Variants in DCDC1 observed in about 807,000 individuals in gnomAD.
DCDC1 encodes the protein doublecortin domain-containing protein 1.
In DCDC1, 200 loss-of-function variants were observed where a neutral mutation model predicts 178.3. The observed-to-expected ratio is 1.12, with a 90% CI of 1.00 to 1.26. The LOEUF is 1.26. DCDC1 is among the 50% of genes most tolerant of loss of function. The probability of loss-of-function intolerance (pLI) is 0.00; values close to 1 mark genes in which losing one functional copy is unlikely to be tolerated. For missense variants in DCDC1, 1,983 were observed against 1,749.2 expected, an observed-to-expected ratio of 1.13 and a Z score of -2.38; for synonymous variants, 690 against 604.8, an observed-to-expected ratio of 1.14 and a Z score of -2.07.
chr11:31,329,219 C>A (rs1242123226), intron 2 of DCDC1, among the ~76,000 whole-genome samples: 1 of 151,806 alleles, frequency 6.6e-6, no homozygotes, highest in Non-Finnish European at 1.5e-5. Context: ...TGAGATGAAG[C>A]CAAAAGAGAT....
At chr11:30,911,901 C>G (rs1485096563) in intron 27 of DCDC1, among the ~76,000 whole-genome samples, 1 of 152,188 alleles carries the variant, frequency 6.6e-6, no homozygotes, top group African/African-American at 2.4e-5. Flanking sequence ...CCTGCTCACT[C>G]AGTGTTATGG....
chr11:31,020,960 A>G (rs1362912477), intron 20 of DCDC1, among the ~76,000 whole-genome samples: 1 of 152,240 alleles, frequency 6.6e-6, no homozygotes, highest in South Asian at 2.1e-4. Flanking sequence ...AAAGATATTG[A>G]CTGTTTCCAA....
chr11:31,086,503 TTCTC>T (rs1176133784), intron 17 of DCDC1, among the ~76,000 whole-genome samples: 1 of 152,218 alleles, frequency 6.6e-6, no homozygotes, highest in Non-Finnish European at 1.5e-5. Context: ...TGTCTTTTCA[TTCTC>T]TCTTCATTCA....
intron 9 of DCDC1, among the ~76,000 whole-genome samples, chr11:31,193,158 GT>G (rs1380804943): frequency 2.0e-5 from 3 of 151,962 alleles, no homozygotes; most frequent in Admixed American, 2.0e-4. Context: ...TGGTTCTCTA[GT>G]TTGCAGATGG....
chr11:31,059,034 A>G (rs1188344790), intron 20 of DCDC1, among the ~76,000 whole-genome samples: 1 of 152,114 alleles, frequency 6.6e-6, no homozygotes, highest in Non-Finnish European at 1.5e-5. Context: ...ACAAAACTGA[A>G]TACAACAGAA....
At chr11:31,121,870 G>A (rs1297333124) in intron 11 of DCDC1, among the ~76,000 whole-genome samples, 2 of 151,954 alleles carry the variant, frequency 1.3e-5, no homozygotes, top group Non-Finnish European at 2.9e-5. Flanking sequence ...ACAGAAAACA[G>A]GAAAAATGCT....
chr11:30,889,198 C>G (rs1000308144), intron 36 of DCDC1, among the ~76,000 whole-genome samples: 3 of 152,168 alleles, frequency 2.0e-5, no homozygotes, highest in Admixed American at 6.5e-5. Flanking sequence ...GATGCTGGTC[C>G]TGCAGAAAGA....
intron 20 of DCDC1, among the ~76,000 whole-genome samples, chr11:30,968,992 T>A (rs1319101233): frequency 6.6e-6 from 1 of 152,124 alleles, no homozygotes; most frequent in East Asian, 1.9e-4. Context: ...TCAAAATTAT[T>A]TCTCAAAATT....
chr11:31,061,592 G>A (rs1955923310), intron 20 of DCDC1, among the ~76,000 whole-genome samples: 1 of 151,970 alleles, frequency 6.6e-6, no homozygotes, highest in Non-Finnish European at 1.5e-5. Flanking sequence ...ACCTGGAGCC[G>A]ATCACGTATG....
At chr11:30,985,493 A>T (rs1247902775) in intron 20 of DCDC1, among the ~76,000 whole-genome samples, 1 of 152,212 alleles carries the variant, frequency 6.6e-6, no homozygotes, top group East Asian at 1.9e-4. Flanking sequence ...TATAATTCAC[A>T]TAAAGTAAAA....
intron 9 of DCDC1, among the ~76,000 whole-genome samples, chr11:31,195,551 C>T (rs1056351750): frequency 6.6e-6 from 1 of 151,968 alleles, no homozygotes; most frequent in Non-Finnish European, 1.5e-5. Context: ...TTTCCTTACT[C>T]CTCGCTCATC....
At chr11:31,273,992 A>G (rs1945786735) in intron 7 of DCDC1, among the ~76,000 whole-genome samples, 1 of 152,154 alleles carries the variant, frequency 6.6e-6, no homozygotes, top group African/African-American at 2.4e-5. Flanking sequence ...ACCCATCCCC[A>G]TGACTCAATT....
intron 9 of DCDC1, among the ~76,000 whole-genome samples, chr11:31,163,481 C>T (rs1484521674): frequency 6.6e-6 from 1 of 152,038 alleles, no homozygotes; most frequent in Non-Finnish European, 1.5e-5. Flanking sequence ...CACCATGATG[C>T]TAATCTAAGA....
intron 11 of DCDC1, among the ~76,000 whole-genome samples, chr11:31,121,013 G>A (rs1307496148): frequency 6.6e-6 from 1 of 152,172 alleles, no homozygotes; most frequent in Non-Finnish European, 1.5e-5. Context: ...GAGACTGGGG[G>A]TAGTGGCAGT....
At chr11:31,107,295 C>T (rs772243225) in intron 12 of DCDC1, among the ~76,000 whole-genome samples, 1 of 152,114 alleles carries the variant, frequency 6.6e-6, no homozygotes. Flanking sequence ...ATAAGGGTTA[C>T]GCTTTTCTTG....
At chr11:31,100,260 G>T (rs1958423904) in intron 15 of DCDC1, among the ~76,000 whole-genome samples, 1 of 152,138 alleles carries the variant, frequency 6.6e-6, no homozygotes, top group Non-Finnish European at 1.5e-5. Context: ...CTAGGTTATG[G>T]CTAAACAAGC....
intron 9 of DCDC1, among the ~76,000 whole-genome samples, chr11:31,218,612 C>A (rs1017234186): frequency 6.6e-6 from 1 of 151,882 alleles, no homozygotes; most frequent in East Asian, 1.9e-4. Context: ...TTTATGACAT[C>A]AGCATAAATA....
At chr11:31,281,596 T>TG (rs1186178864) in intron 7 of DCDC1, among the ~76,000 whole-genome samples, 5 of 152,130 alleles carry the variant, frequency 3.3e-5, no homozygotes, top group Non-Finnish European at 7.4e-5. Context: ...TGGCTCTGTG[T>TG]CCCCACCCAT....
intron 9 of DCDC1, among the ~76,000 whole-genome samples, chr11:31,202,193 C>T (rs1971364369): frequency 6.6e-6 from 1 of 152,350 alleles, no homozygotes; most frequent in South Asian, 2.1e-4. Flanking sequence ...AGTCACAAGT[C>T]TGGCATGGTA....
Sources: allele counts gnomAD v4.1 joint callset (sites outside exome capture counted in the v4.1 genomes callset), GRCh38; gene constraint gnomAD v4.1.1; transcripts MANE v1.5; gene names NCBI Gene and HGNC (gene_info 2026-07-23, HGNC 2026-07-21).